Variants in BPTF observed in about 807,000 individuals in gnomAD.
The protein encoded by BPTF is nucleosome-remodeling factor subunit BPTF.
A neutral mutation model predicts 292.5 loss-of-function variants in BPTF; 18 were observed. The observed-to-expected ratio is 0.06, with a 90% CI of 0.04 to 0.09. BPTF has a LOEUF of 0.09. BPTF is among the 10% of genes least tolerant of loss of function. The probability of loss-of-function intolerance (pLI) is 1.00; values close to 1 mark genes in which losing one functional copy is unlikely to be tolerated. For synonymous variants in BPTF, 1,225 were observed against 1,251.9 expected, an observed-to-expected ratio of 0.98 and a Z score of 0.45; for missense variants, 2,726 against 3,498.7, an observed-to-expected ratio of 0.78 and a Z score of 5.57.
At chr17:67,897,013 G>A (rs1167107524) in intron 7 of BPTF, among the ~76,000 whole-genome samples, 2 of 151,902 alleles carry the variant, frequency 1.3e-5, no homozygotes, top group African/African-American at 4.8e-5. Context: ...AAATAATACA[G>A]CACAAATAAC....
chr17:67,964,728 T>TGC (rs1568198781), intron 25 of BPTF, among the ~76,000 whole-genome samples: 2 of 150,594 alleles, frequency 1.3e-5, no homozygotes, highest in Non-Finnish European at 3.0e-5. Flanking sequence ...TGGCCGGGCA[T>TGC]GGTGGCTCAT....
chr17:67,848,927 T>C (rs1379739228), intron 1 of BPTF, among the ~76,000 whole-genome samples: 1 of 152,228 alleles, frequency 6.6e-6, no homozygotes, highest in Non-Finnish European at 1.5e-5. Flanking sequence ...TGTTCTTTGA[T>C]TCTCCATTTT....
chr17:67,826,987 G>C (rs908688751), intron 1 of BPTF, among the ~76,000 whole-genome samples: 3 of 152,134 alleles, frequency 2.0e-5, no homozygotes, highest in Admixed American at 6.6e-5. Flanking sequence ...TGCAACAGTT[G>C]CTGTTAAATG....
intron 2 of BPTF, among the ~76,000 whole-genome samples, chr17:67,862,805 A>C (rs1224268295): frequency 6.7e-6 from 1 of 150,196 alleles, no homozygotes; most frequent in East Asian, 1.9e-4. Context: ...CTAGGAAAAA[A>C]ATCCTTGCTT....
rs2146676608 is a variant in BPTF at position 67,904,840 on chromosome 17, A to G, written c.2812A>G (p.Thr938Ala). The change falls in exon 9 of 28, where the codon ACC becomes GCC. Residue 938 changes from threonine (T) to alanine (A), a missense_variant and splice_region_variant. This residue lies in a region of BPTF where 713 missense variants were observed against 714.9 expected (regional missense o/e 1.00). Transcript: ENST00000306378. ...NVNYRKSLEG[T>A]KNNMDENMDE... ...GAATTACAGAAAGTCGTTAGAAGGAAGTAAGTAATTAAAATTACATGTCCT... is the reference window on the plus strand; with the variant it reads ...GAATTACAGAAAGTCGTTAGAAGGAGGTAAGTAATTAAAATTACATGTCCT... 6.2e-7 allele frequency: 1 copy of G among 1,608,688 alleles called. No individual in the cohort carries two copies. Among genetic ancestry groups the G allele is most frequent in the South Asian group, 1.1e-5 (1 of 90,172 alleles).
At chr17:67,922,663 C>T (rs889390001) in intron 13 of BPTF, among the ~76,000 whole-genome samples, 177 bp from the exon 14 acceptor site, 1 of 152,158 alleles carries the variant, frequency 6.6e-6, no homozygotes, top group African/African-American at 2.4e-5. Context: ...CACATTTACT[C>T]ACTTACGTAT....
At chr17:67,931,281 C>G (rs1485455498) in intron 17 of BPTF, among the ~76,000 whole-genome samples, 2 of 151,724 alleles carry the variant, frequency 1.3e-5, no homozygotes, top group Non-Finnish European at 2.9e-5. Flanking sequence ...AATAAATAAG[C>G]AAGACTGTCT....
chr17:67,945,718 G>T lies in BPTF; in HGVS notation c.7010G>T (p.Gly2337Val), dbSNP rs781816141. The T allele has an allele frequency of 1.5e-5, 25 of 1,614,000 alleles. No individual in the cohort carries two copies. The highest frequency in any genetic ancestry group is 2.1e-5 in the Non-Finnish European group (25 of 1,180,032). ...AQSQPQSNVQ[G>V]QSPVRVQSPS... ...TCTCAGCCTCAAAGTAATGTCCAAGGACAGTCTCCTGTTCGTGTCCAAAGT... is the reference window on the plus strand; with the variant it reads ...TCTCAGCCTCAAAGTAATGTCCAAGTACAGTCTCCTGTTCGTGTCCAAAGT... The change falls in exon 21 of 28, where the codon GGA (glycine) becomes GTA (valine). Residue 2337 changes from glycine (G) to valine (V), a missense_variant. Around this residue, in one of 22 missense-constraint regions of BPTF, gnomAD observed 570 missense variants for 633.5 expected, o/e 0.90. Transcript: ENST00000306378.
At chr17:67,960,608 T>C (rs1371448534) in intron 24 of BPTF, among the ~76,000 whole-genome samples, 11 of 152,236 alleles carry the variant, frequency 7.2e-5, no homozygotes, top group Non-Finnish European at 1.6e-4. Context: ...ATTTAACTTC[T>C]ACTTTGAACA....
At chr17:67,948,843 C>T (rs1598851575) in intron 23 of BPTF, among the ~76,000 whole-genome samples, 1 of 152,094 alleles carries the variant, frequency 6.6e-6, no homozygotes, top group East Asian at 1.9e-4. Context: ...AAAAAGTTAG[C>T]CAGATGTGGT....
chr17:67,930,690 T>C (rs2064301668), intron 17 of BPTF, among the ~76,000 whole-genome samples: 1 of 152,148 alleles, frequency 6.6e-6, no homozygotes, highest in Non-Finnish European at 1.5e-5. Flanking sequence ...AAGCCTGTAA[T>C]GCCAGCACTT....
rs188223775 is a variant in BPTF at position 67,916,531 on chromosome 17, A to G, written c.5304-2183A>G. On this transcript the variant is annotated intron_variant, in intron 11 of 27. Transcript: ENST00000306378. Reference sequence around the variant, plus strand: ...CTTGAACCCGGGAGGCGGAGGTTGCAGTGAGCCGAGATCGCGCCATTGCAC... The same window carrying G: ...CTTGAACCCGGGAGGCGGAGGTTGCGGTGAGCCGAGATCGCGCCATTGCAC... 6.8e-3 allele frequency among the ~76,000 whole-genome samples: 1,036 copies of G among 152,184 alleles called. 9 individuals are homozygous for G. The highest frequency in any genetic ancestry group is 0.036 in the South Asian group (174 of 4,818).
intron 7 of BPTF, among the ~76,000 whole-genome samples, chr17:67,894,832 A>G (rs1469905322): frequency 6.6e-6 from 1 of 152,200 alleles, no homozygotes; most frequent in Admixed American, 6.5e-5. Flanking sequence ...GTCCAACCAA[A>G]GATCATATAG....
At chr17:67,880,022 T>C (rs779646516) in intron 4 of BPTF, among the ~76,000 whole-genome samples, 10 of 152,206 alleles carry the variant, frequency 6.6e-5, no homozygotes, top group Non-Finnish European at 1.3e-4. Flanking sequence ...TCTGTTGTTT[T>C]CTTAGGTTCA....
intron 7 of BPTF, among the ~76,000 whole-genome samples, chr17:67,900,747 C>T (rs765292059): frequency 5.9e-5 from 9 of 151,944 alleles, no homozygotes; most frequent in Admixed American, 1.3e-4. Context: ...CAGTAGCTCA[C>T]GCCTGTAATC....
At chr17:67,848,132 T>G (rs2058162908) in intron 1 of BPTF, among the ~76,000 whole-genome samples, 1 of 152,172 alleles carries the variant, frequency 6.6e-6, no homozygotes, top group Non-Finnish European at 1.5e-5. Context: ...TATAGAGAGT[T>G]GCCTTTTGAG....
intron 27 of BPTF, among the ~76,000 whole-genome samples, chr17:67,978,203 A>G (rs1365052739): frequency 2.6e-5 from 4 of 151,578 alleles, no homozygotes; most frequent in Admixed American, 6.6e-5. Context: ...ACCCAAGCTA[A>G]TCTTGAACTC....
rs1568047423 is a variant in BPTF, at chr17:67,912,025, C to T, written c.4141C>T (p.Leu1381=). ...PVNKCSDQIK[L]KNTTDKKNNE... ...TAATAAATGTAGTGATCAAATAAAGCTAAAAAATACCACTGACAAAAAGAA... is the reference window on the plus strand; with the variant it reads ...TAATAAATGTAGTGATCAAATAAAGTTAAAAAATACCACTGACAAAAAGAA... Residue 1381 remains leucine (L), a synonymous_variant, in exon 11 of 28, where the codon CTA becomes TTA. Coordinates refer to ENST00000306378, the MANE Select transcript of BPTF (RefSeq NM_182641.4). 4 of 1,612,602 alleles carry T rather than the reference C, an allele frequency of 2.5e-6. No individual in the cohort carries two copies. Among genetic ancestry groups the T allele is most frequent in the Non-Finnish European group, 2.5e-6 (3 of 1,179,606 alleles).
chr17:67,846,655 T>C (rs1294114073), intron 1 of BPTF, among the ~76,000 whole-genome samples: 1 of 152,156 alleles, frequency 6.6e-6, no homozygotes, highest in Non-Finnish European at 1.5e-5. Flanking sequence ...TTTAACAATA[T>C]GGGAGGAAGT....
Sources: allele counts gnomAD v4.1 joint callset (sites outside exome capture counted in the v4.1 genomes callset), GRCh38; gene constraint gnomAD v4.1.1; regional missense constraint gnomAD v4.1.1; transcripts MANE v1.5; gene names NCBI Gene and HGNC (gene_info 2026-07-23, HGNC 2026-07-21).